MAPK11: variants seen among roughly 807,000 people sequenced by gnomAD.
MAPK11 encodes mitogen-activated protein kinase 11, also known as MAP kinase 11.
In MAPK11, 44 loss-of-function variants were observed where a neutral mutation model predicts 52.2. The ratio of observed to expected loss-of-function variants is 0.84; its 90% CI spans 0.66 to 1.08. The LOEUF (loss-of-function observed/expected upper bound fraction) is 1.08, where lower values mean the gene tolerates loss of function less well. MAPK11 is among the 50% of genes least tolerant of loss of function. MAPK11 has a pLI of 0.00. For missense variants in MAPK11, 436 were observed against 494.7 expected (o/e 0.88, Z 1.13); for synonymous variants, 233 against 206.3 (o/e 1.13, Z -1.11).
chr22:50,265,806 T>C (rs1322525331), intron 9 of MAPK11, 146 bp from the exon 10 acceptor site: 11 of 619,290 alleles, frequency 1.8e-5, no homozygotes, highest in Non-Finnish European at 2.6e-5. Context: ...CCCCTCCATA[T>C]AGGATCTGGT....
chr22:50,267,621 C>T lies in MAPK11; in HGVS notation c.253G>A (p.Gly85Arg). 1 of 1,540,834 alleles carries T rather than the reference C, an allele frequency of 6.5e-7. No individual in the cohort carries two copies. Among genetic ancestry groups the T allele is most frequent in the Non-Finnish European group, 8.7e-7 (1 of 1,144,232 alleles). Residue 85 changes from glycine (G) to arginine (R), a missense_variant, in exon 3 of 12, where the codon GGG becomes AGG. Gly to Arg is a moderately radical substitution (Grantham distance 125). Transcript: ENST00000330651. The stretch of plus-strand genomic sequence containing the variant: ...GCCGGCGTGAAGACGTCCAGAAGCC[C>T]GATGACCTAGGTGGCGGGGGGCGTC... ...LKHLKHENVI[G>R]LLDVFTPATS... is the part of the protein sequence containing the mutation.
rs1435994268 is a variant in MAPK11, at chr22:50,263,719, AG to A, written c.*1228del. The A allele has an allele frequency of 1.3e-5, 2 of 152,170 alleles. No homozygotes were observed. The highest frequency in any genetic ancestry group is 3.9e-4 in the East Asian group (2 of 5,186). 9.4% of individuals were successfully genotyped at this position (152,170 alleles called of 1,614,324 possible). A position where few individuals can be genotyped will look rare whatever the true frequency, so the allele number is the denominator to read the frequency against. The stretch of plus-strand genomic sequence containing the variant: ...CCTTTGGATACAAGCCAAGTGAGAG[AG>A]AACCCCCTTTATTGTGCACCCCTGG... On this transcript the variant is annotated 3_prime_UTR_variant, in exon 12 of 12. Coordinates refer to ENST00000330651, the MANE Select transcript of MAPK11 (RefSeq NM_002751.7).
At chr22:50,269,770 G>T (rs1473730765) in intron 1 of MAPK11, among the ~76,000 whole-genome samples, 1 of 152,202 alleles carries the variant, frequency 6.6e-6, no homozygotes, top group East Asian at 1.9e-4. Context: ...CCCGGGCGGG[G>T]GAGGGTCATC....
At position 50,264,013 on chromosome 22, in the gene MAPK11, G is replaced by C. The variant is rs1003373720; in HGVS notation, c.*935C>G. On this transcript the variant is annotated 3_prime_UTR_variant, in exon 12 of 12. Transcript: ENST00000330651. ...TGTCCGAGTCCAAGTCCACATCCAGGTGTGCTGCCTGCCCTAGCGTCCTCA... is the reference window on the plus strand; with the variant it reads ...TGTCCGAGTCCAAGTCCACATCCAGCTGTGCTGCCTGCCCTAGCGTCCTCA... 1 of 152,392 alleles carries C rather than the reference G, an allele frequency of 6.6e-6. No individual in the cohort carries two copies. Among genetic ancestry groups the C allele is most frequent in the East Asian group, 1.9e-4 (1 of 5,186 alleles). 9.4% of individuals were successfully genotyped at this position (152,392 alleles called of 1,614,324 possible). A position where few individuals can be genotyped will look rare whatever the true frequency, so the allele number is the denominator to read the frequency against.
In MAPK11 at chr22:50,265,501, G is replaced by A. The variant is rs773737145; in HGVS notation, c.842-7C>T. ...CTTCCAAGGAGGTCTATGGCTGCAG[G>A]GAAGCCAGTGGTGGGGAGGGGGGTC... On this transcript the variant is annotated splice_region_variant and splice_polypyrimidine_tract_variant and intron_variant, in intron 10 of 11. Transcript: ENST00000330651. The A allele has an allele frequency of 3.1e-6, 5 of 1,613,030 alleles. No individual in the cohort carries two copies. Among genetic ancestry groups the A allele is most frequent in the South Asian group, 1.1e-5 (1 of 91,084 alleles).
At chr22:50,265,239 A>G in intron 11 of MAPK11, 82 bp downstream of exon 11, 4 of 1,552,324 alleles carry the variant, frequency 2.6e-6, no homozygotes, top group Non-Finnish European at 2.6e-6. Flanking sequence ...ACCAGTCTGG[A>G]GAGGAACTGG....
rs763335780 is a variant in MAPK11, at chr22:50,267,436, TGAC to T, written c.349_351del (p.Val117del). 1.2e-6 allele frequency: 2 copies of T among 1,610,754 alleles called. No individual in the cohort carries two copies. Reference sequence around the variant, plus strand: ...TGCTCGTCGCTCAGCGCCTGGCACTTGACGATGTTGTTCAGGTCGGCGCCCATC... The same window carrying T: ...TGCTCGTCGCTCAGCGCCTGGCACTTGATGTTGTTCAGGTCGGCGCCCATC... On this transcript the variant is annotated inframe_deletion, in exon 4 of 12. Transcript: ENST00000330651.
At chr22:50,267,978 G>C in intron 1 of MAPK11, 29 bp from the exon 2 acceptor site, 2 of 1,522,498 alleles carry the variant, frequency 1.3e-6, no homozygotes, top group Non-Finnish European at 1.8e-6. Flanking sequence ...AGGCGGCGCC[G>C]GGAGGGGTCC....
At position 50,267,595 on chromosome 22, in the gene MAPK11, G is replaced by C; in HGVS notation, c.279C>G (p.Ala93=). Residue 93 remains alanine, a synonymous_variant, in exon 3 of 12, where the codon GCC becomes GCG. Transcript: ENST00000330651. ...CTTCGCTGAAGTCCTCGATGGACGT[G>C]GCCGGCGTGAAGACGTCCAGAAGCC... ...VIGLLDVFTP[A]TSIEDFSEVY... 1 of 1,545,306 alleles carries C rather than the reference G, an allele frequency of 6.5e-7. No homozygotes were observed. The highest frequency in any genetic ancestry group is 1.4e-5 in the African/African-American group (1 of 73,278).
At position 50,264,932 on chromosome 22, in the gene MAPK11, G is replaced by A. The variant is rs766744958; in HGVS notation, c.*16C>T. On this transcript the variant is annotated 3_prime_UTR_variant, in exon 12 of 12. Transcript: ENST00000330651. The stretch of plus-strand genomic sequence containing the variant: ...CAAGCCCCTCCACAGGCTCTCAGGG[G>A]CTGCTGGGCAGCACCTCACTGCTCA... 1.9e-6 allele frequency: 3 copies of A among 1,604,396 alleles called. No homozygotes were observed. The highest frequency in any genetic ancestry group is 2.6e-6 in the Non-Finnish European group (3 of 1,175,694).
intron 11 of MAPK11, 53 bp downstream of exon 11, chr22:50,265,268 G>T: frequency 6.3e-7 from 1 of 1,595,082 alleles, no homozygotes. Context: ...CTGCCTCTGG[G>T]GAAATGGAGC....
chr22:50,267,918 C>T lies in MAPK11; in HGVS notation c.148G>A (p.Val50Met), dbSNP rs2065279371. 2.5e-6 allele frequency: 4 copies of T among 1,582,868 alleles called. No homozygotes were observed. Among genetic ancestry groups the T allele is most frequent in the Non-Finnish European group, 3.4e-6 (4 of 1,167,312 alleles). ...SAYDARLRQKVAVKKLSRPFQ... is the reference protein window; with the variant it reads ...SAYDARLRQKMAVKKLSRPFQ... ...GGGCGCGACAGCTTCTTCACCGCCA[C>T]CTTCTGGCGCAGCCGGGCGTCGTAG... The change falls in exon 2 of 12, where the codon GTG (valine) becomes ATG (methionine). Residue 50 changes from valine (V) to methionine (M), a missense_variant. Physicochemically the swap from Val to Met is conservative, Grantham distance 21. Transcript: ENST00000330651.
At chr22:50,265,055 T>A (rs1456552888) in intron 11 of MAPK11, 28 bp from the exon 12 acceptor site, 1 of 1,587,250 alleles carries the variant, frequency 6.3e-7, no homozygotes, top group East Asian at 2.2e-5. Context: ...AGGGTGAGCT[T>A]GTGCCTCCCA....
Position 50,266,286 on chromosome 22 carries a change from G to A in MAPK11, c.702C>T (p.Arg234=). 1.2e-6 allele frequency: 2 copies of A among 1,608,186 alleles called. No homozygotes were observed. The highest frequency in any genetic ancestry group is 1.3e-5 in the African/African-American group (1 of 74,924). The change falls in exon 9 of 12, where the codon CGC becomes CGT. Residue 234 remains arginine (R), a synonymous_variant. Transcript: ENST00000330651. ...TGGGTGTGCCCACCACTTCCATGAT[G>A]CGCTTCAGCTGGTCAATGTCTGTGT... ...PGSDYIDQLK[R]IMEVVGTPSP...
chr22:50,265,966 T>TGG (rs1272794661), intron 9 of MAPK11, among the ~76,000 whole-genome samples: 1 of 138,040 alleles, frequency 7.2e-6, no homozygotes, highest in African/African-American at 2.7e-5. Context: ...CACTGCTTGC[T>TGG]GGGCCCCCAG....
Position 50,264,912 on chromosome 22 carries a change from C to T in MAPK11, c.*36G>A, listed in dbSNP as rs2147267443. 1 of 1,570,516 alleles carries T rather than the reference C, an allele frequency of 6.4e-7. No homozygotes were observed. Among genetic ancestry groups the T allele is most frequent in the East Asian group, 2.3e-5 (1 of 44,192 alleles). On this transcript the variant is annotated 3_prime_UTR_variant, in exon 12 of 12. Coordinates refer to ENST00000330651, the MANE Select transcript of MAPK11 (RefSeq NM_002751.7). Reference sequence around the variant, plus strand: ...GCTGTGGAAGGGTGCAGGCCCAAGCCCCTCCACAGGCTCTCAGGGGCTGCT... The same window carrying T: ...GCTGTGGAAGGGTGCAGGCCCAAGCTCCTCCACAGGCTCTCAGGGGCTGCT...
At chr22:50,268,021 C>A in intron 1 of MAPK11, 72 bp from the exon 2 acceptor site, 1 of 1,411,100 alleles carries the variant, frequency 7.1e-7, no homozygotes, top group African/African-American at 1.5e-5. Context: ...ACCCGGGCGG[C>A]GTCCCTCTCG....
At position 50,265,046 on chromosome 22, in the gene MAPK11, G is replaced by C. The variant is rs1454164093; in HGVS notation, c.1016-19C>G. The C allele has an allele frequency of 1.9e-6, 3 of 1,604,430 alleles. No individual in the cohort carries two copies. The East Asian group carries it at 6.7e-5, about 36-fold the overall frequency. Reference sequence around the variant, plus strand: ...GTGAGCTCTAGGAGGTGAAGGGAAAGGGTGAGCTTGTGCCTCCCACAGCCC... The same window carrying C: ...GTGAGCTCTAGGAGGTGAAGGGAAACGGTGAGCTTGTGCCTCCCACAGCCC... On this transcript the variant is annotated intron_variant, in intron 11 of 11. Transcript: ENST00000330651.
At position 50,267,303 on chromosome 22, in the gene MAPK11, G is replaced by C. The variant is rs1465133093; in HGVS notation, c.418-17C>G. ...GTGGATGTACTGCGGGAGGGGGATT[G>C]TGGTGAGCGCCGGGCCCGGCCCGCC... On this transcript the variant is annotated splice_polypyrimidine_tract_variant and intron_variant, in intron 4 of 11. Coordinates refer to ENST00000330651, the MANE Select transcript of MAPK11 (RefSeq NM_002751.7). 2 of 1,596,204 alleles carry C rather than the reference G, an allele frequency of 1.3e-6. No homozygotes were observed. The highest frequency in any genetic ancestry group is 2.7e-5 in the African/African-American group (2 of 74,794).
Sources: allele counts gnomAD v4.1 joint callset (sites outside exome capture counted in the v4.1 genomes callset), GRCh38; gene constraint gnomAD v4.1.1; transcripts MANE v1.5; gene names NCBI Gene and HGNC (gene_info 2026-07-23, HGNC 2026-07-21).